ERBB4: variants seen among roughly 807,000 people sequenced by gnomAD.
The protein encoded by ERBB4 is erb-b2 receptor tyrosine kinase 4.
A neutral mutation model predicts 158.0 loss-of-function variants in ERBB4; 42 were observed. That is an observed-to-expected ratio of 0.27 (90% CI 0.21 to 0.34). The LOEUF (loss-of-function observed/expected upper bound fraction) is 0.34, where lower values mean the gene tolerates loss of function less well. Ranked by LOEUF, ERBB4 falls within the 10% of genes least tolerant of loss-of-function variation. The probability of loss-of-function intolerance (pLI) is 1.00; values close to 1 mark genes in which losing one functional copy is unlikely to be tolerated. For missense variants in ERBB4, 1,333 were observed against 1,624.1 expected (o/e 0.82, Z 3.08); for synonymous variants, 583 against 558.7 (o/e 1.04, Z -0.61).
intron 3 of ERBB4, among the ~76,000 whole-genome samples, chr2:211,842,086 C>T (rs2077483014): frequency 6.6e-6 from 1 of 151,914 alleles, no homozygotes; most frequent in Admixed American, 6.6e-5. Flanking sequence ...GGCAAAACAG[C>T]AATTTACCAA....
intron 2 of ERBB4, among the ~76,000 whole-genome samples, chr2:211,986,282 C>T (rs1167210290): frequency 6.6e-6 from 1 of 152,150 alleles, no homozygotes; most frequent in Admixed American, 6.5e-5. Flanking sequence ...TTTAAAGCTA[C>T]TCGATTTGTG....
intron 3 of ERBB4, among the ~76,000 whole-genome samples, chr2:211,837,753 C>A (rs1027469345): frequency 1.3e-5 from 2 of 152,122 alleles, no homozygotes; most frequent in African/African-American, 4.8e-5. Context: ...GTCCTGTCAT[C>A]TCTCTAGGCA....
intron 1 of ERBB4, among the ~76,000 whole-genome samples, chr2:212,141,897 C>T (rs1568520): frequency 0.64 from 97,068 of 151,920 alleles, 31,995 homozygotes; most frequent in African/African-American, 0.73. Context: ...AATCAGATCA[C>T]TAATCTTCTT....
At chr2:212,123,578 T>A (rs2079826881) in intron 2 of ERBB4, among the ~76,000 whole-genome samples, 1 of 152,122 alleles carries the variant, frequency 6.6e-6, no homozygotes, top group South Asian at 2.1e-4. Context: ...GCTCTATCAA[T>A]CAAGTAGAGA....
intron 19 of ERBB4, among the ~76,000 whole-genome samples, chr2:211,580,798 ATAT>A (rs1267157519): frequency 2.8e-4 from 18 of 63,562 alleles, no homozygotes; most frequent in East Asian, 1.1e-3. Context: ...ATATATATAT[ATAT>A]ATATATATAT....
Position 211,376,352 on chromosome 2 carries a change from A to G in ERBB4, c.*7263T>C, listed in dbSNP as rs1393719525. 8.6e-6 allele frequency: 2 copies of G among 232,940 alleles called. No homozygotes were observed. The highest frequency in any genetic ancestry group is 4.4e-5 in the African/African-American group (2 of 45,306). The allele number at this position is 232,940 out of a possible 1,614,324, so 14.4% of individuals were successfully genotyped here. On this transcript the variant is annotated 3_prime_UTR_variant, in exon 28 of 28. Coordinates refer to ENST00000342788, the MANE Select transcript of ERBB4 (RefSeq NM_005235.3). ...GTCCACAAAAGAAAATCAAAGCAAC[A>G]TTATACTTATTTACAAATGCAACTA...
intron 1 of ERBB4, among the ~76,000 whole-genome samples, chr2:212,244,911 A>G (rs1423405337): frequency 6.6e-6 from 1 of 152,102 alleles, no homozygotes; most frequent in Admixed American, 6.6e-5. Flanking sequence ...ATTTACATGT[A>G]TTTCCTCATT....
intron 3 of ERBB4, among the ~76,000 whole-genome samples, chr2:211,799,395 A>G (rs970295392): frequency 6.6e-6 from 1 of 152,164 alleles, no homozygotes; most frequent in Non-Finnish European, 1.5e-5. Context: ...GGGTAAATAA[A>G]TATTTTAAAA....
At chr2:211,782,144 T>C (rs896991456) in intron 4 of ERBB4, among the ~76,000 whole-genome samples, 2 of 152,178 alleles carry the variant, frequency 1.3e-5, no homozygotes, top group Non-Finnish European at 2.9e-5. Context: ...TTAGTACTTT[T>C]CACTCAGGCC....
chr2:211,870,126 G>A (rs1361339532), intron 3 of ERBB4, among the ~76,000 whole-genome samples: 1 of 151,884 alleles, frequency 6.6e-6, no homozygotes, highest in Middle Eastern at 3.2e-3. Flanking sequence ...ACTCTAATAG[G>A]TTTTGTAAAC....
At chr2:212,083,084 G>A (rs1024026905) in intron 2 of ERBB4, among the ~76,000 whole-genome samples, 16 of 151,886 alleles carry the variant, frequency 1.1e-4, no homozygotes, top group Non-Finnish European at 1.5e-4. Context: ...TTAGGTACAC[G>A]GAGAAAAGAT....
At chr2:212,421,433 A>T (rs1456333129) in intron 1 of ERBB4, among the ~76,000 whole-genome samples, 2 of 152,122 alleles carry the variant, frequency 1.3e-5, no homozygotes, top group Non-Finnish European at 2.9e-5. Flanking sequence ...CCACAATTTC[A>T]ATTGACTTAA....
intron 9 of ERBB4, among the ~76,000 whole-genome samples, chr2:211,707,504 C>T (rs569377809): frequency 2.0e-5 from 3 of 152,224 alleles, no homozygotes; most frequent in African/African-American, 4.8e-5. Context: ...ATTTTATCAT[C>T]GAGTTTATTA....
At chr2:211,944,081 CTATATATATATATATACATGGTTACACTA>C (rs1157457730) in intron 3 of ERBB4, among the ~76,000 whole-genome samples, 43 of 133,596 alleles carry the variant, frequency 3.2e-4, no homozygotes, top group African/African-American at 1.0e-3. Context: ...CATGGTTACA[CTATATATATATATATACATGGTTACACTA>C]TATATATATA....
intron 4 of ERBB4, among the ~76,000 whole-genome samples, chr2:211,774,051 T>C (rs1275991842): frequency 6.6e-6 from 1 of 151,682 alleles, no homozygotes; most frequent in African/African-American, 2.4e-5. Context: ...ATTGTTCAGA[T>C]GCTCTGTGGT....
intron 5 of ERBB4, among the ~76,000 whole-genome samples, chr2:211,744,340 T>A (rs1372822549): frequency 6.6e-6 from 1 of 152,254 alleles, no homozygotes; most frequent in Non-Finnish European, 1.5e-5. Flanking sequence ...AAGATTTTAC[T>A]GAAATTTCTG....
At chr2:212,319,668 G>A (rs1271808235) in intron 1 of ERBB4, among the ~76,000 whole-genome samples, 4 of 150,048 alleles carry the variant, frequency 2.7e-5, no homozygotes, top group Non-Finnish European at 6.0e-5. Context: ...TTTATCTAAC[G>A]TCTCAGTTTT....
intron 1 of ERBB4, among the ~76,000 whole-genome samples, chr2:212,195,510 A>G (rs919519033): frequency 2.0e-5 from 3 of 152,020 alleles, no homozygotes; most frequent in Non-Finnish European, 4.4e-5. Flanking sequence ...ACACCTTTTA[A>G]AGGCATAATT....
At position 211,460,326 on chromosome 2, in the gene ERBB4, G is replaced by A. The variant is rs546892410; in HGVS notation, c.2488-29226C>T. On this transcript the variant is annotated intron_variant, in intron 20 of 27. Transcript: ENST00000342788. The stretch of plus-strand genomic sequence containing the variant: ...TGAAAGTGCGAACAGATTTATCTTT[G>A]TAAAACTTCAGTATTACACATGAAG... Among the ~76,000 whole-genome samples, 50 of 152,108 alleles carry A rather than the reference G, an allele frequency of 3.3e-4. 1 individual carries two copies. In the South Asian group the frequency reaches 0.01, roughly 31 times the overall value.
Sources: gnomAD v4.1 joint callset for allele counts (sites outside exome capture counted in the v4.1 genomes callset) on GRCh38, gnomAD v4.1.1 for gene constraint, MANE v1.5 for transcripts, NCBI Gene and HGNC (gene_info 2026-07-23, HGNC 2026-07-21) for gene names.